Variants in MEIG1 observed in about 807,000 individuals in gnomAD.
The protein encoded by MEIG1 is meiosis expressed gene 1 protein homolog.
Under a neutral mutation model 11.3 loss-of-function variants are expected in MEIG1, and 12 were observed. The ratio of observed to expected loss-of-function variants is 1.07; its 90% CI spans 0.68 to 1.73. The LOEUF (loss-of-function observed/expected upper bound fraction) is 1.73. Ranked by LOEUF, MEIG1 falls within the 40% of genes most tolerant of loss-of-function variation. The pLI, the probability that MEIG1 is intolerant of heterozygous loss-of-function variation, is 0.00. For missense variants in MEIG1, 119 were observed against 104.9 expected (o/e 1.13, Z -0.59); for synonymous variants, 41 against 33.2 (o/e 1.24, Z -0.81).
chr10:14,983,468 C>G (rs111393594), intron 1 of MEIG1, among the ~76,000 whole-genome samples: 18,714 of 151,860 alleles, frequency 0.12, 1,307 homozygotes, highest in Middle Eastern at 0.23. Flanking sequence ...GAGGTGTACA[C>G]CCATCCTGGG....
chr10:14,961,614 G>C (rs2131260167), intron 1 of MEIG1, among the ~76,000 whole-genome samples: 1 of 144,052 alleles, frequency 6.9e-6, no homozygotes. Context: ...TGGGACTACA[G>C]GCAGCCGCCA....
downstream of MEIG1, among the ~76,000 whole-genome samples, chr10:14,975,358 T>C (rs1843198919): frequency 1.3e-5 from 2 of 152,128 alleles, no homozygotes; most frequent in Admixed American, 1.3e-4. Context: ...TCCTGGGATA[T>C]TCTTCCTAAT....
At chr10:14,985,470 G>A (rs749189668) in intron 1 of MEIG1, among the ~76,000 whole-genome samples, 19 of 151,962 alleles carry the variant, frequency 1.3e-4, no homozygotes, top group Non-Finnish European at 2.2e-4. Context: ...CATATTAGTC[G>A]TAATATCCAA....
At chr10:14,983,842 G>A (rs1843288897) in intron 1 of MEIG1, among the ~76,000 whole-genome samples, 1 of 151,944 alleles carries the variant, frequency 6.6e-6, no homozygotes, top group African/African-American at 2.4e-5. Context: ...CACAGAAAGC[G>A]TGCACCACCC....
intron 1 of MEIG1, among the ~76,000 whole-genome samples, chr10:14,961,169 C>G (rs1353041404): frequency 6.6e-6 from 1 of 152,190 alleles, no homozygotes; most frequent in African/African-American, 2.4e-5. Context: ...ACTTAGCTCC[C>G]CTGCAGTTGG....
At chr10:14,960,272 G>A (rs1021340030) in intron 1 of MEIG1, among the ~76,000 whole-genome samples, 2 of 152,164 alleles carry the variant, frequency 1.3e-5, no homozygotes, top group African/African-American at 4.8e-5. Context: ...GGAGGCTAAT[G>A]CTCTTGAAGT....
downstream of MEIG1, among the ~76,000 whole-genome samples, chr10:14,975,474 C>G (rs1843200050): frequency 6.6e-6 from 1 of 152,022 alleles, no homozygotes. Flanking sequence ...TAATATTACT[C>G]CCAATATCAC....
At chr10:14,961,547 C>T (rs538109649) in intron 1 of MEIG1, among the ~76,000 whole-genome samples, 5 of 151,416 alleles carry the variant, frequency 3.3e-5, no homozygotes, top group Non-Finnish European at 7.4e-5. Flanking sequence ...CTTGGCTCAC[C>T]GCAACCTCCG....
chr10:14,987,638 G>C, intron 2 of MEIG1: 1 of 484,066 alleles, frequency 2.1e-6, no homozygotes, highest in Non-Finnish European at 3.8e-6. Flanking sequence ...GCTATACGAG[G>C]CTTTCTGTAC....
chr10:14,974,088 C>A (rs966831737), downstream of MEIG1, among the ~76,000 whole-genome samples: 4 of 152,156 alleles, frequency 2.6e-5, no homozygotes, highest in African/African-American at 7.2e-5. Flanking sequence ...ACGTTTGTGG[C>A]CTTCTGAGCT....
downstream of MEIG1, among the ~76,000 whole-genome samples, chr10:14,977,792 T>C (rs1042584210): frequency 5.9e-5 from 9 of 151,886 alleles, no homozygotes; most frequent in African/African-American, 2.2e-4. Flanking sequence ...AATAACACAG[T>C]GGGTGTACAC....
Position 14,978,620 on chromosome 10 carries a change from G to T in MEIG1, n.66+6000G>T, listed in dbSNP as rs376041702. Among the ~76,000 whole-genome samples the T allele has an allele frequency of 1.7e-4, 26 of 151,998 alleles. No individual in the cohort carries two copies. The South Asian group carries it at 4.8e-3, about 28-fold the overall frequency. On this transcript the variant is annotated intron_variant and non_coding_transcript_variant, in intron 1 of 2. Transcript: ENST00000467536. ...GGATGTTACTCATATTGTCACAGGGGTTGTGTTCGCTGCGATAGTATTCGT... is the reference window on the plus strand; with the variant it reads ...GGATGTTACTCATATTGTCACAGGGTTTGTGTTCGCTGCGATAGTATTCGT...
At chr10:14,985,757 G>C (rs914675479) in intron 1 of MEIG1, among the ~76,000 whole-genome samples, 7 of 151,910 alleles carry the variant, frequency 4.6e-5, no homozygotes, top group East Asian at 3.9e-4. Context: ...TATGTCACAG[G>C]GGTGTACATG....
downstream of MEIG1, among the ~76,000 whole-genome samples, chr10:14,976,855 A>C (rs1409684457): frequency 6.6e-6 from 1 of 152,016 alleles, no homozygotes; most frequent in African/African-American, 2.4e-5. Context: ...TGAAATTCCT[A>C]ATATCCTAGC....
downstream of MEIG1, among the ~76,000 whole-genome samples, chr10:14,973,595 C>T (rs888964951): frequency 2.6e-5 from 4 of 151,966 alleles, no homozygotes; most frequent in Non-Finnish European, 5.9e-5. Flanking sequence ...GGGTGAAACC[C>T]TGTCTCTACT....
At chr10:14,974,341 G>A (rs1843188306), downstream of MEIG1, among the ~76,000 whole-genome samples, 1 of 152,156 alleles carries the variant, frequency 6.6e-6, no homozygotes, top group Non-Finnish European at 1.5e-5. Flanking sequence ...CCCAGGTGGG[G>A]TTGTGGGTCT....
chr10:14,976,840 T>TGTCA (rs1843215047), downstream of MEIG1, among the ~76,000 whole-genome samples: 1 of 152,086 alleles, frequency 6.6e-6, no homozygotes, highest in South Asian at 2.1e-4. Flanking sequence ...GTGTAGACCC[T>TGTCA]GTCATGAAAT....
chr10:14,957,499 G>A (rs894537315), upstream of MEIG1, among the ~76,000 whole-genome samples: 1 of 152,220 alleles, frequency 6.6e-6, no homozygotes, highest in Non-Finnish European at 1.5e-5. Flanking sequence ...GGGCTACAGA[G>A]GAAGGAGGGA....
At position 14,983,983 on chromosome 10, in the gene MEIG1, T is replaced by C. The variant is rs139207478; in HGVS notation, n.67-2813T>C. On this transcript the variant is annotated intron_variant and non_coding_transcript_variant, in intron 1 of 2. Transcript: ENST00000467536. ...GAGAGGATGATACTACACCCAATGCTGCTGGGGGTATAAACACTCCCGAGA... is the reference window on the plus strand; with the variant it reads ...GAGAGGATGATACTACACCCAATGCCGCTGGGGGTATAAACACTCCCGAGA... Among the ~76,000 whole-genome samples, 522 of 152,204 alleles carry C rather than the reference T, an allele frequency of 3.4e-3. 2 individuals are homozygous for C. Among genetic ancestry groups the C allele is most frequent in the African/African-American group, 0.011 (468 of 41,508 alleles).
Sources: gnomAD v4.1 joint callset for allele counts (sites outside exome capture counted in the v4.1 genomes callset) on GRCh38, gnomAD v4.1.1 for gene constraint, MANE v1.5 for transcripts, NCBI Gene and HGNC (gene_info 2026-07-23, HGNC 2026-07-21) for gene names.